KCNMA1: variants seen among roughly 807,000 people sequenced by gnomAD.
KCNMA1 encodes potassium calcium-activated channel subfamily M alpha 1, also known as Calcium-activated potassium channel subunit alpha-1.
KCNMA1 carries 29 observed loss-of-function variants against 140.0 expected under a neutral mutation model. The ratio of observed to expected loss-of-function variants is 0.21; its 90% CI spans 0.15 to 0.28. KCNMA1 has a LOEUF of 0.28. KCNMA1 is among the 10% of genes least tolerant of loss of function. The probability of loss-of-function intolerance (pLI) is 1.00; values close to 1 mark genes in which losing one functional copy is unlikely to be tolerated. For missense variants in KCNMA1, 880 were observed against 1,602.2 expected, an observed-to-expected ratio of 0.55 and a Z score of 7.70; for synonymous variants, 612 against 611.9, an observed-to-expected ratio of 1.00 and a Z score of 0.00.
chr10:77,329,470 T>C (rs1427685607), intron 2 of KCNMA1, among the ~76,000 whole-genome samples: 1 of 152,214 alleles, frequency 6.6e-6, no homozygotes, highest in Non-Finnish European at 1.5e-5. Context: ...AGGACTGCCA[T>C]CTATGAACCA....
intron 1 of KCNMA1, among the ~76,000 whole-genome samples, chr10:77,603,401 T>C (rs1567812854): frequency 6.6e-6 from 1 of 152,050 alleles, no homozygotes; most frequent in Non-Finnish European, 1.5e-5. Flanking sequence ...GAGGCTGAGA[T>C]AGATTTCCCT....
chr10:77,072,993 G>A (rs940078492), intron 14 of KCNMA1, 104 bp downstream of exon 14: 16 of 1,089,722 alleles, frequency 1.5e-5, no homozygotes, highest in Non-Finnish European at 1.4e-6. Flanking sequence ...TAACCCAAGT[G>A]GTTAGAGCCC....
At chr10:77,370,922 G>A (rs1471736395) in intron 2 of KCNMA1, among the ~76,000 whole-genome samples, 3 of 152,154 alleles carry the variant, frequency 2.0e-5, no homozygotes, top group Admixed American at 6.5e-5. Context: ...ACACAGTGGG[G>A]CACTCAGCTA....
intron 2 of KCNMA1, among the ~76,000 whole-genome samples, chr10:77,294,895 G>A (rs765029458): frequency 3.3e-5 from 5 of 152,066 alleles, no homozygotes; most frequent in Admixed American, 2.6e-4. Context: ...CTCCAGCCTG[G>A]ACAACAGAGC....
chr10:76,946,942 T>C (rs907901714), intron 22 of KCNMA1, among the ~76,000 whole-genome samples: 6 of 152,122 alleles, frequency 3.9e-5, no homozygotes, highest in African/African-American at 1.4e-4. Flanking sequence ...TTTGTGAAAA[T>C]CTATTGTGCT....
At chr10:77,012,311 A>T in intron 17 of KCNMA1, 1 of 1,465,388 alleles carries the variant, frequency 6.8e-7, no homozygotes, top group Non-Finnish European at 9.0e-7. Context: ...GATGTGACAC[A>T]CTGTGTCTGC....
At chr10:77,385,163 C>G (rs976493115) in intron 2 of KCNMA1, among the ~76,000 whole-genome samples, 1 of 152,184 alleles carries the variant, frequency 6.6e-6, no homozygotes, top group Admixed American at 6.5e-5. Flanking sequence ...TCCAGATACT[C>G]AATAAGATTA....
rs2065312747 is a variant in KCNMA1 at position 76,949,122 on chromosome 10, T to C, written c.2709+20A>G. 1 of 1,550,614 alleles carries C rather than the reference T, an allele frequency of 6.4e-7. No individual in the cohort carries two copies. The highest frequency in any genetic ancestry group is 1.4e-5 in the African/African-American group (1 of 73,666). ...GAATGAAAAGAAGAAAAGGCATCAA[T>C]AATGTGACCTTGGACTTACAGGCAA... On this transcript the variant is annotated intron_variant, in intron 22 of 27. Coordinates refer to ENST00000286628, the MANE Select transcript of KCNMA1 (RefSeq NM_001161352.2).
chr10:77,201,261 A>T (rs1451296802), intron 3 of KCNMA1, among the ~76,000 whole-genome samples: 1 of 152,096 alleles, frequency 6.6e-6, no homozygotes, highest in Admixed American at 6.6e-5. Context: ...AGAAACAGGA[A>T]AGTTCTGTCT....
At position 77,516,202 on chromosome 10, in the gene KCNMA1, C is replaced by T. The variant is rs148342822; in HGVS notation, c.379-112179G>A. On this transcript the variant is annotated intron_variant, in intron 1 of 27. Coordinates refer to ENST00000286628, the MANE Select transcript of KCNMA1 (RefSeq NM_001161352.2). ...GTACCCACAGCCCACCCCCCTACTC[C>T]GCCCCGCCACAGCCACCCTCCTCCC... Among the ~76,000 whole-genome samples, 13 of 152,086 alleles carry T rather than the reference C, an allele frequency of 8.5e-5. No individual in the cohort carries two copies. In the East Asian group the frequency reaches 1.6e-3, roughly 18 times the overall value.
chr10:76,883,913 T>C (rs1366530921), downstream of KCNMA1: 3 of 708,648 alleles, frequency 4.2e-6, no homozygotes, highest in Non-Finnish European at 5.2e-6. Context: ...TTTTGGCAAA[T>C]AAAATTGAAG....
At chr10:77,278,019 T>C (rs2067172074) in intron 2 of KCNMA1, among the ~76,000 whole-genome samples, 3 of 152,240 alleles carry the variant, frequency 2.0e-5, no homozygotes, top group Non-Finnish European at 4.4e-5. Flanking sequence ...AAAATGAGCA[T>C]GCTGAGTTTC....
chr10:77,151,764 T>C (rs750555953), intron 5 of KCNMA1, among the ~76,000 whole-genome samples: 16 of 152,208 alleles, frequency 1.1e-4, no homozygotes, highest in Non-Finnish European at 1.9e-4. Flanking sequence ...TTGACTCACC[T>C]TGTGCAATGA....
intron 1 of KCNMA1, among the ~76,000 whole-genome samples, chr10:77,456,661 G>T (rs368079472): frequency 6.6e-6 from 1 of 152,148 alleles, no homozygotes; most frequent in African/African-American, 2.4e-5. Flanking sequence ...TGCCTGCATC[G>T]AGCACTATGT....
At chr10:76,986,823 T>C (rs1183110818) in intron 19 of KCNMA1, among the ~76,000 whole-genome samples, 2 of 152,124 alleles carry the variant, frequency 1.3e-5, no homozygotes, top group Non-Finnish European at 2.9e-5. Flanking sequence ...CAATGACATA[T>C]GGAAGGAGAA....
intron 3 of KCNMA1, among the ~76,000 whole-genome samples, chr10:77,204,997 T>C (rs928470687): frequency 1.6e-4 from 25 of 152,216 alleles, no homozygotes; most frequent in African/African-American, 6.0e-4. Flanking sequence ...TCACGCTCCA[T>C]GATGTTCTTA....
In KCNMA1 at chr10:77,263,356, G is replaced by A. The variant is rs575065928; in HGVS notation, c.541-12100C>T. Among the ~76,000 whole-genome samples, 8 of 152,116 alleles carry A rather than the reference G, an allele frequency of 5.3e-5. No individual in the cohort carries two copies. The South Asian group carries it at 6.3e-4, about 12-fold the overall frequency. ...TTTTAGAGACCTTATTTTGTCTTTC[G>A]GTAACTGTAGCTAAAGTCCAAGATA... On this transcript the variant is annotated intron_variant, in intron 2 of 27. Transcript: ENST00000286628.
intron 3 of KCNMA1, among the ~76,000 whole-genome samples, chr10:77,211,329 A>G (rs1414953387): frequency 6.6e-6 from 1 of 152,184 alleles, no homozygotes; most frequent in Non-Finnish European, 1.5e-5. Context: ...ATTTTCAACA[A>G]GGCTGACAAA....
At chr10:77,608,807 G>A (rs1408851826) in intron 1 of KCNMA1, among the ~76,000 whole-genome samples, 4 of 152,100 alleles carry the variant, frequency 2.6e-5, no homozygotes, top group Non-Finnish European at 4.4e-5. Flanking sequence ...TCCAAGGAAG[G>A]CATACAAATG....
Sources: allele counts gnomAD v4.1 joint callset (sites outside exome capture counted in the v4.1 genomes callset), GRCh38; gene constraint gnomAD v4.1.1; transcripts MANE v1.5; gene names NCBI Gene and HGNC (gene_info 2026-07-23, HGNC 2026-07-21).